TASP1: variants seen among roughly 807,000 people sequenced by gnomAD.
The protein encoded by TASP1 is taspase 1, also known as threonine aspartase 1.
TASP1 carries 16 observed loss-of-function variants against 56.6 expected under a neutral mutation model. The ratio of observed to expected loss-of-function variants is 0.28; its 90% CI spans 0.19 to 0.43. The LOEUF is 0.43. Ranked by LOEUF, TASP1 falls within the 20% of genes least tolerant of loss-of-function variation. The pLI is 1.00. For missense variants in TASP1, 393 were observed against 511.6 expected (o/e 0.77, Z 2.24); for synonymous variants, 179 against 184.2 (o/e 0.97, Z 0.23).
At chr20:13,542,077 A>T (rs959562222) in intron 8 of TASP1, among the ~76,000 whole-genome samples, 14 of 152,002 alleles carry the variant, frequency 9.2e-5, no homozygotes, top group Admixed American at 1.3e-4. Flanking sequence ...AAAAATAATA[A>T]TGTCTTATTG....
At chr20:13,125,956 C>T in the TASP1 span, among the ~76,000 whole-genome samples, 1 of 152,336 alleles carries the variant, frequency 6.6e-6, no homozygotes, top group African/African-American at 2.4e-5. Context: ...CACTGCTATA[C>T]ATGCCTTCTG....
At chr20:13,487,280 A>G (rs2043355767) in intron 10 of TASP1, among the ~76,000 whole-genome samples, 1 of 152,150 alleles carries the variant, frequency 6.6e-6, no homozygotes, top group South Asian at 2.1e-4. Context: ...CCCAGCGTAC[A>G]CAGCAGTTGG....
Position 13,478,374 on chromosome 20 carries a change from C to CACACACACAT in TASP1, c.985+4852_985+4853insATGTGTGTGT, listed in dbSNP as rs56698233. Among the ~76,000 whole-genome samples, 531 of 151,518 alleles carry CACACACACAT rather than the reference C, an allele frequency of 3.5e-3. 2 individuals are homozygous for CACACACACAT. The highest frequency in any genetic ancestry group is 0.011 in the African/African-American group (473 of 41,292). On this transcript the variant is annotated intron_variant, in intron 11 of 13. Transcript: ENST00000337743. ...ACACACACACACACACACACACACA[C>CACACACACAT]GAATACTATTCAGCCACAAAAAAGA...
chr20:13,382,389 G>A, the TASP1 span, among the ~76,000 whole-genome samples: 1 of 152,214 alleles, frequency 6.6e-6, no homozygotes, highest in African/African-American at 2.4e-5. Flanking sequence ...GCTCACACCT[G>A]TAATCCTAGC....
At chr20:13,179,648 G>T in the TASP1 span, among the ~76,000 whole-genome samples, 1 of 152,030 alleles carries the variant, frequency 6.6e-6, no homozygotes, top group African/African-American at 2.4e-5. Flanking sequence ...AGTGTGAGAG[G>T]CCTCTTGAGA....
chr20:13,528,983 T>C (rs1286443499), intron 9 of TASP1, among the ~76,000 whole-genome samples: 2 of 152,162 alleles, frequency 1.3e-5, no homozygotes, highest in Non-Finnish European at 2.9e-5. Flanking sequence ...ACCAGGGCCA[T>C]GGGGTACTGG....
At chr20:13,315,796 G>A in the TASP1 span, among the ~76,000 whole-genome samples, 12,563 of 151,940 alleles carry the variant, frequency 0.083, 1,095 homozygotes, top group African/African-American at 0.22. Context: ...ATCATACAAT[G>A]TCCACTCTCA....
At chr20:13,201,639 A>C in the TASP1 span, among the ~76,000 whole-genome samples, 3 of 151,968 alleles carry the variant, frequency 2.0e-5, no homozygotes, top group African/African-American at 7.2e-5. Context: ...CTGGGTGATC[A>C]GAACTATCAT....
At chr20:13,554,428 G>A (rs2046086252) in intron 8 of TASP1, among the ~76,000 whole-genome samples, 1 of 151,996 alleles carries the variant, frequency 6.6e-6, no homozygotes, top group Non-Finnish European at 1.5e-5. Context: ...ATTTATAGAG[G>A]TAGAATACCA....
At chr20:13,193,122 G>T in the TASP1 span, among the ~76,000 whole-genome samples, 2 of 152,082 alleles carry the variant, frequency 1.3e-5, no homozygotes, top group East Asian at 3.9e-4. Flanking sequence ...GCTAAGTGGG[G>T]AGATAAAATG....
At chr20:13,326,967 A>T in the TASP1 span, among the ~76,000 whole-genome samples, 3 of 152,218 alleles carry the variant, frequency 2.0e-5, no homozygotes, top group East Asian at 5.8e-4. Context: ...GGCCAGGACA[A>T]TCAGGAAGAG....
At chr20:13,614,927 G>T in intron 4 of TASP1, 1 of 423,722 alleles carries the variant, frequency 2.4e-6, no homozygotes, top group Non-Finnish European at 4.9e-6. Context: ...TACCAAATTT[G>T]GCAGCCACTT....
downstream of TASP1, among the ~76,000 whole-genome samples, chr20:13,388,397 A>T (rs894873991): frequency 6.7e-6 from 1 of 148,258 alleles, no homozygotes; most frequent in Non-Finnish European, 1.5e-5. Context: ...AATATTCCTT[A>T]AAAAAAAAAT....
the TASP1 span, among the ~76,000 whole-genome samples, chr20:13,173,094 T>C: frequency 1.3e-5 from 2 of 152,158 alleles, no homozygotes; most frequent in African/African-American, 4.8e-5. Flanking sequence ...AAAGTGATCA[T>C]GGAAGAGGGC....
the TASP1 span, among the ~76,000 whole-genome samples, chr20:13,213,138 A>T: frequency 6.6e-6 from 1 of 152,150 alleles, no homozygotes; most frequent in Admixed American, 6.5e-5. Flanking sequence ...TTTCAGATAT[A>T]ATCTGAACTG....
intron 5 of TASP1, among the ~76,000 whole-genome samples, chr20:13,585,277 C>A (rs2047261948): frequency 6.6e-6 from 1 of 152,142 alleles, no homozygotes; most frequent in Non-Finnish European, 1.5e-5. Flanking sequence ...TGAAGATTAT[C>A]TTCATAACTT....
At chr20:13,261,409 G>T in the TASP1 span, among the ~76,000 whole-genome samples, 1 of 149,178 alleles carries the variant, frequency 6.7e-6, no homozygotes, top group African/African-American at 2.5e-5. Flanking sequence ...CAAGAGGGAA[G>T]AGTGAAACTC....
chr20:13,290,863 A>G, the TASP1 span, among the ~76,000 whole-genome samples: 1 of 152,272 alleles, frequency 6.6e-6, no homozygotes, highest in Non-Finnish European at 1.5e-5. Flanking sequence ...TAACTGAGGC[A>G]TAGAGGATTA....
At chr20:13,551,299 T>C (rs1483854550) in intron 8 of TASP1, among the ~76,000 whole-genome samples, 1 of 152,176 alleles carries the variant, frequency 6.6e-6, no homozygotes, top group East Asian at 1.9e-4. Context: ...CACTATCCCA[T>C]GTAAGTACTG....
Sources: gnomAD v4.1 joint callset for allele counts (sites outside exome capture counted in the v4.1 genomes callset) on GRCh38, gnomAD v4.1.1 for gene constraint, MANE v1.5 for transcripts, NCBI Gene and HGNC (gene_info 2026-07-23, HGNC 2026-07-21) for gene names.